Variants in DNAH7 observed in about 807,000 individuals in gnomAD.
DNAH7 encodes the protein axonemal beta dynein heavy chain 7.
A neutral mutation model predicts 444.6 loss-of-function variants in DNAH7; 397 were observed. That is an observed-to-expected ratio of 0.89 (90% CI 0.82 to 0.97). DNAH7 has a LOEUF of 0.97. Ranked by LOEUF, DNAH7 falls within the 50% of genes least tolerant of loss-of-function variation. DNAH7 has a pLI of 0.00. For missense variants in DNAH7, 4,902 were observed against 4,800.8 expected (o/e 1.02, Z -0.62); for synonymous variants, 1,636 against 1,624.4 (o/e 1.01, Z -0.17).
intron 12 of DNAH7, among the ~76,000 whole-genome samples, chr2:195,996,503 G>GC (rs1693706847): frequency 6.7e-6 from 1 of 150,208 alleles, no homozygotes; most frequent in African/African-American, 2.5e-5. Flanking sequence ...TCAGCTCACT[G>GC]CAACCTCTGC....
chr2:195,945,143 G>T (rs1247942590), intron 19 of DNAH7, among the ~76,000 whole-genome samples: 1 of 152,038 alleles, frequency 6.6e-6, no homozygotes, highest in Non-Finnish European at 1.5e-5. Flanking sequence ...TTCAAGTTCA[G>T]TGCAGAACCC....
At chr2:195,913,791 T>C (rs1279788227) in intron 24 of DNAH7, among the ~76,000 whole-genome samples, 4 of 152,210 alleles carry the variant, frequency 2.6e-5, no homozygotes, top group African/African-American at 7.2e-5. Flanking sequence ...CTCGGCTCAC[T>C]GCAACCCTCC....
intron 40 of DNAH7, among the ~76,000 whole-genome samples, chr2:195,868,846 A>AG (rs1383330882): frequency 6.7e-6 from 1 of 149,824 alleles, no homozygotes; most frequent in East Asian, 1.9e-4. Context: ...TTTATACCTT[A>AG]GAAACCATTT....
intron 44 of DNAH7, among the ~76,000 whole-genome samples, chr2:195,856,821 T>C (rs1292033980): frequency 6.6e-6 from 1 of 152,186 alleles, no homozygotes; most frequent in South Asian, 2.1e-4. Flanking sequence ...CTCTGTGTGA[T>C]GGTGGATTTT....
chr2:196,020,887 C>T (rs60239439), intron 8 of DNAH7, among the ~76,000 whole-genome samples: 297 of 152,216 alleles, frequency 2.0e-3, no homozygotes, highest in African/African-American at 6.4e-3. Context: ...GCTGGAATTA[C>T]GGGCGTAAGC....
chr2:195,904,231 C>T (rs1485087155), intron 27 of DNAH7: 1 of 152,314 alleles, frequency 6.6e-6, no homozygotes, highest in East Asian at 1.9e-4. Flanking sequence ...CAGAACTCAG[C>T]TATAAATCTC....
chr2:196,021,190 G>A (rs1052209605), intron 8 of DNAH7, among the ~76,000 whole-genome samples: 2 of 151,998 alleles, frequency 1.3e-5, no homozygotes, highest in Non-Finnish European at 2.9e-5. Context: ...TAGTTGCTAT[G>A]GGGATTAAAA....
rs1702423214 is a variant in DNAH7, at chr2:195,897,861, AACTC to A, written c.4549-100_4549-97del. ...ATACACACAAACCTACAGACCCTGT[AACTC>A]AGTTTAAACAAATGCAGCTCTTCTT... is the stretch of plus-strand genomic sequence containing the variant. On this transcript the variant is annotated intron_variant, in intron 28 of 64. Coordinates refer to ENST00000312428, the MANE Select transcript of DNAH7 (RefSeq NM_018897.3). 28 of 555,276 alleles carry A rather than the reference AACTC, an allele frequency of 5.0e-5. No homozygotes were observed. The South Asian group carries it at 8.8e-4, about 18-fold the overall frequency. The allele number at this position is 555,276 out of a possible 1,614,324, so 34.4% of individuals were successfully genotyped here. A position where few individuals can be genotyped will look rare whatever the true frequency, so the allele number is the denominator to read the frequency against.
chr2:196,043,097 T>C (rs1018660127), intron 5 of DNAH7, among the ~76,000 whole-genome samples: 4 of 152,146 alleles, frequency 2.6e-5, no homozygotes, highest in Non-Finnish European at 4.4e-5. Context: ...GAAGCTTTTG[T>C]GAATGACAAA....
chr2:195,944,904 T>G (rs1237887029), intron 19 of DNAH7, among the ~76,000 whole-genome samples: 1 of 151,996 alleles, frequency 6.6e-6, no homozygotes, highest in African/African-American at 2.4e-5. Context: ...TTCAAATTCT[T>G]ATCATATTGA....
intron 2 of DNAH7, among the ~76,000 whole-genome samples, chr2:196,055,565 G>T (rs1424588652): frequency 6.6e-6 from 1 of 152,194 alleles, no homozygotes; most frequent in Non-Finnish European, 1.5e-5. Context: ...AATGGGAAGG[G>T]AAATATGAGC....
chr2:195,946,884 G>A (rs1253995787), intron 19 of DNAH7, among the ~76,000 whole-genome samples: 2 of 151,920 alleles, frequency 1.3e-5, no homozygotes, highest in Admixed American at 6.6e-5. Context: ...TAGAACAGAA[G>A]ACTGAGGATT....
chr2:195,781,120 A>G (rs1164217152), intron 58 of DNAH7, among the ~76,000 whole-genome samples: 1 of 152,188 alleles, frequency 6.6e-6, no homozygotes, highest in Non-Finnish European at 1.5e-5. Flanking sequence ...CAGAACATTT[A>G]TATGCTTCCA....
At chr2:195,837,009 C>A (rs1264825230) in intron 47 of DNAH7, among the ~76,000 whole-genome samples, 1 of 152,172 alleles carries the variant, frequency 6.6e-6, no homozygotes, top group African/African-American at 2.4e-5. Flanking sequence ...ACTTCTTTAG[C>A]AATTCATCCA....
intron 12 of DNAH7, among the ~76,000 whole-genome samples, chr2:195,999,425 A>C (rs1288268722): frequency 6.6e-6 from 1 of 152,168 alleles, no homozygotes; most frequent in East Asian, 1.9e-4. Flanking sequence ...AAGAATATGG[A>C]AACTCCAAAG....
chr2:195,960,969 A>G, intron 17 of DNAH7, 24 bp from the exon 18 acceptor site: 1 of 1,466,084 alleles, frequency 6.8e-7, no homozygotes, highest in Non-Finnish European at 9.0e-7. Context: ...TATTGAATAT[A>G]TTAGTTATTT....
rs341952 is a variant in DNAH7, at chr2:195,883,007, C to T, written c.5764-1015G>A. 3.8e-3 allele frequency among the ~76,000 whole-genome samples: 573 copies of T among 151,950 alleles called. 5 individuals are homozygous for T. The highest frequency in any genetic ancestry group is 0.012 in the African/African-American group (518 of 41,456). ...TGCGTACAGCAGAGAATTTTTTTTT[C>T]GGGGTGTTAAATTCACATCACTCTG... On this transcript the variant is annotated intron_variant, in intron 35 of 64. Transcript: ENST00000312428.
chr2:195,872,443 T>A lies in DNAH7; in HGVS notation c.6440A>T (p.Asp2147Val). The A allele has an allele frequency of 3.8e-6, 6 of 1,594,312 alleles. No homozygotes were observed. Among genetic ancestry groups the A allele is most frequent in the Non-Finnish European group, 5.1e-6 (6 of 1,171,100 alleles). ...ICYKFPDEFL[D>V]LTTQIVNGTM... Reference sequence around the variant, plus strand: ...GCCATTTACGATTTGTGTGGTCAAATCTAGAAATTCATCTGGAAATTTATA... The same window carrying A: ...GCCATTTACGATTTGTGTGGTCAAAACTAGAAATTCATCTGGAAATTTATA... Residue 2147 changes from aspartate (D) to valine (V), a missense_variant, in exon 40 of 65, where the codon GAT becomes GTT. Transcript: ENST00000312428.
intron 34 of DNAH7, 100 bp downstream of exon 34, chr2:195,886,040 CA>C: frequency 1.4e-6 from 2 of 1,407,994 alleles, no homozygotes; most frequent in Non-Finnish European, 1.9e-6. Flanking sequence ...GACTAGTCTC[CA>C]ACTTCAGGGG....
Sources: allele counts gnomAD v4.1 joint callset (sites outside exome capture counted in the v4.1 genomes callset), GRCh38; gene constraint gnomAD v4.1.1; transcripts MANE v1.5; gene names NCBI Gene and HGNC (gene_info 2026-07-23, HGNC 2026-07-21).